The following TAOK1 variants were observed in gnomAD, a reference collection of about 807,000 sequenced individuals.
TAOK1 encodes the protein TAO kinase 1, also known as serine/threonine-protein kinase TAO1.
A neutral mutation model predicts 138.3 loss-of-function variants in TAOK1; 21 were observed. The ratio of observed to expected loss-of-function variants is 0.15; its 90% CI spans 0.11 to 0.22. The LOEUF is 0.22. Ranked by LOEUF, TAOK1 falls within the 10% of genes least tolerant of loss-of-function variation. The pLI is 1.00. For missense variants in TAOK1, 651 were observed against 1,227.7 expected, an observed-to-expected ratio of 0.53 and a Z score of 7.02; for synonymous variants, 361 against 398.4, an observed-to-expected ratio of 0.91 and a Z score of 1.12.
chr17:29,445,814 G>T (rs2030061828), intron 1 of TAOK1, among the ~76,000 whole-genome samples: 1 of 152,120 alleles, frequency 6.6e-6, no homozygotes, highest in Admixed American at 6.6e-5. Flanking sequence ...TCAATGTCAT[G>T]ATGGCTTCAT....
intron 16 of TAOK1, among the ~76,000 whole-genome samples, chr17:29,518,330 A>G (rs1318954527): frequency 3.3e-5 from 5 of 152,176 alleles, no homozygotes; most frequent in East Asian, 1.9e-4. Context: ...TATGTATACA[A>G]AAAAATTAGC....
chr17:29,542,519 AAAT>A (rs1320080532), intron 19 of TAOK1, 39 bp from the exon 20 acceptor site: 1 of 1,508,536 alleles, frequency 6.6e-7, no homozygotes, highest in Non-Finnish European at 8.9e-7. Flanking sequence ...ATAGACTTAA[AAAT>A]AATAAATTGG....
chr17:29,505,106 T>TAGTAC (rs2031607038), intron 13 of TAOK1, among the ~76,000 whole-genome samples: 1 of 152,210 alleles, frequency 6.6e-6, no homozygotes, highest in Non-Finnish European at 1.5e-5. Context: ...TTAAAGCCAG[T>TAGTAC]AGTTTCATTT....
intron 3 of TAOK1, among the ~76,000 whole-genome samples, chr17:29,473,010 T>C (rs908754134): frequency 2.0e-5 from 3 of 152,190 alleles, no homozygotes; most frequent in Non-Finnish European, 4.4e-5. Flanking sequence ...CTTGGGTGGC[T>C]AGGTACACGG....
chr17:29,514,532 T>G (rs1029547127), intron 15 of TAOK1: 1 of 152,084 alleles, frequency 6.6e-6, no homozygotes, highest in African/African-American at 2.4e-5. Flanking sequence ...GCTAATTTTA[T>G]AATTTATTTT....
chr17:29,504,565 G>A (rs1044518894), intron 13 of TAOK1, among the ~76,000 whole-genome samples: 1 of 152,080 alleles, frequency 6.6e-6, no homozygotes, highest in African/African-American at 2.4e-5. Context: ...GGCTACTTGG[G>A]AGGCTGAGGC....
At chr17:29,542,505 C>T in intron 19 of TAOK1, 56 bp from the exon 20 acceptor site, 2 of 1,461,428 alleles carry the variant, frequency 1.4e-6, no homozygotes, top group South Asian at 1.4e-5. Flanking sequence ...TGCTTCCTTT[C>T]TTTATAGACT....
chr17:29,454,468 T>C (rs1173187787), intron 2 of TAOK1, among the ~76,000 whole-genome samples: 1 of 152,114 alleles, frequency 6.6e-6, no homozygotes, highest in African/African-American at 2.4e-5. Flanking sequence ...GACGTGGCTT[T>C]TTTATTTCTG....
chr17:29,479,571 C>G (rs2031015958), intron 6 of TAOK1, among the ~76,000 whole-genome samples: 1 of 152,076 alleles, frequency 6.6e-6, no homozygotes, highest in Non-Finnish European at 1.5e-5. Context: ...AAGGTTTTCT[C>G]AAATTTAAGA....
chr17:29,416,498 G>T (rs960071715), intron 1 of TAOK1, among the ~76,000 whole-genome samples: 1 of 151,700 alleles, frequency 6.6e-6, no homozygotes, highest in Non-Finnish European at 1.5e-5. Flanking sequence ...CGGAAAAGGG[G>T]CAGTTATACA....
At chr17:29,453,124 A>G (rs1048122089) in intron 2 of TAOK1, among the ~76,000 whole-genome samples, 1 of 150,628 alleles carries the variant, frequency 6.6e-6, no homozygotes, top group African/African-American at 2.4e-5. Context: ...TAAAAAAGAA[A>G]TCGTACAATA....
chr17:29,501,820 T>C (rs1447263890), intron 12 of TAOK1, among the ~76,000 whole-genome samples: 1 of 151,664 alleles, frequency 6.6e-6, no homozygotes, highest in Non-Finnish European at 1.5e-5. Context: ...GCAGATTGCT[T>C]GAGCCCAGTA....
chr17:29,540,661 C>T (rs2032300380), intron 19 of TAOK1, among the ~76,000 whole-genome samples: 1 of 152,196 alleles, frequency 6.6e-6, no homozygotes, highest in African/African-American at 2.4e-5. Flanking sequence ...ACCTCCGCCT[C>T]CTAGGTTCAA....
intron 19 of TAOK1, among the ~76,000 whole-genome samples, chr17:29,538,929 A>G (rs2150777453): frequency 6.6e-6 from 1 of 152,284 alleles, no homozygotes; most frequent in East Asian, 1.9e-4. Flanking sequence ...TTCACTTAGT[A>G]TTAACATCAT....
intron 1 of TAOK1, among the ~76,000 whole-genome samples, chr17:29,411,646 G>C (rs959646637): frequency 4.6e-5 from 7 of 151,946 alleles, no homozygotes; most frequent in African/African-American, 1.5e-4. Context: ...ACCTGCCTCT[G>C]CCACCCAAAG....
Position 29,534,210 on chromosome 17 carries a change from A to G in TAOK1, c.2454A>G (p.Lys818=). The G allele has an allele frequency of 6.2e-7, 1 of 1,613,802 alleles. No homozygotes were observed. Among genetic ancestry groups the G allele is most frequent in the Non-Finnish European group, 8.5e-7 (1 of 1,179,904 alleles). ...ELELLNAYQS[K]IKMQAEAQHD... Reference sequence around the variant, plus strand: ...AGCTGTTGAATGCGTATCAGAGCAAAATCAAGATGCAAGCTGAGGCACAAC... The same window carrying G: ...AGCTGTTGAATGCGTATCAGAGCAAGATCAAGATGCAAGCTGAGGCACAAC... Residue 818 remains lysine, a synonymous_variant, in exon 19 of 20, where the codon AAA becomes AAG. Coordinates refer to ENST00000261716, the MANE Select transcript of TAOK1 (RefSeq NM_020791.4).
chr17:29,397,626 A>ACATGCATACATG (rs58767952), intron 1 of TAOK1, among the ~76,000 whole-genome samples: 1 of 107,460 alleles, frequency 9.3e-6, no homozygotes, highest in Non-Finnish European at 1.8e-5. Flanking sequence ...ATATATATAT[A>ACATGCATACATG]TATACATGTA....
At chr17:29,537,337 G>A (rs1390666181) in intron 19 of TAOK1, among the ~76,000 whole-genome samples, 1 of 152,044 alleles carries the variant, frequency 6.6e-6, no homozygotes, top group Non-Finnish European at 1.5e-5. Flanking sequence ...GGAGTTGGGT[G>A]TATATATACT....
chr17:29,521,814 C>T (rs2031925307), intron 16 of TAOK1, among the ~76,000 whole-genome samples: 1 of 152,218 alleles, frequency 6.6e-6, no homozygotes, highest in Non-Finnish European at 1.5e-5. Context: ...GATCTCCTGA[C>T]CTCGTGATCC....
Sources: allele counts gnomAD v4.1 joint callset (sites outside exome capture counted in the v4.1 genomes callset), GRCh38; gene constraint gnomAD v4.1.1; transcripts MANE v1.5; gene names NCBI Gene and HGNC (gene_info 2026-07-23, HGNC 2026-07-21).